Variants in MTR observed in about 807,000 individuals in gnomAD.
The protein encoded by MTR is methionine synthase.
In MTR, 84 loss-of-function variants were observed where a neutral mutation model predicts 154.8. That is an observed-to-expected ratio of 0.54 (90% CI 0.45 to 0.65). The LOEUF (loss-of-function observed/expected upper bound fraction) is 0.65, where lower values mean the gene tolerates loss of function less well. Ranked by LOEUF, MTR falls within the 30% of genes least tolerant of loss-of-function variation. The probability of loss-of-function intolerance (pLI) is 0.00; values close to 1 mark genes in which losing one functional copy is unlikely to be tolerated. For synonymous variants in MTR, 554 were observed against 553.9 expected (o/e 1.00, Z 0.00); for missense variants, 1,275 against 1,570.2 (o/e 0.81, Z 3.18).
At chr1:236,850,571 A>G (rs747858982) in intron 16 of MTR, 48 bp downstream of exon 16, 1 of 1,515,574 alleles carries the variant, frequency 6.6e-7, no homozygotes, top group South Asian at 1.1e-5. Context: ...AATTTGTCCC[A>G]TGGGTCTAAT....
chr1:236,847,495 C>T (rs1177148148), intron 15 of MTR, among the ~76,000 whole-genome samples: 1 of 152,216 alleles, frequency 6.6e-6, no homozygotes, highest in African/African-American at 2.4e-5. Flanking sequence ...GCCTTCTACT[C>T]ACTGGTCACA....
At chr1:236,848,845 A>C (rs969588039) in intron 15 of MTR, among the ~76,000 whole-genome samples, 1 of 152,226 alleles carries the variant, frequency 6.6e-6, no homozygotes, top group Non-Finnish European at 1.5e-5. Context: ...AAAAGGCTAG[A>C]TCTAAGAGAG....
chr1:236,808,771 C>G lies in MTR; in HGVS notation c.407C>G (p.Thr136Arg). 1 of 1,614,018 alleles carries G rather than the reference C, an allele frequency of 6.2e-7. No individual in the cohort carries two copies. Among genetic ancestry groups the G allele is most frequent in the Non-Finnish European group, 8.5e-7 (1 of 1,179,884 alleles). Residue 136 changes from threonine (T) to arginine (R), a missense_variant and splice_region_variant, in exon 4 of 33, where the codon ACA becomes AGA. Physicochemically the swap from Thr to Arg is moderately conservative, Grantham distance 71. Transcript: ENST00000366577. ...GCTGCCGAGGAGGTAACTCTCCAGA[C>G]AGGTAGGGAATGTTCTTCTCTTTTT... ...RKAAEEVTLQTGIKRFVAGAL... is the reference protein window; with the variant it reads ...RKAAEEVTLQRGIKRFVAGAL...
chr1:236,811,078 TG>T (rs761054021), intron 5 of MTR, among the ~76,000 whole-genome samples: 1 of 152,204 alleles, frequency 6.6e-6, no homozygotes, highest in Non-Finnish European at 1.5e-5. Context: ...TCCATGTGGC[TG>T]GGGAAGCCTC....
At chr1:236,869,816 T>G (rs189973298) in intron 22 of MTR, among the ~76,000 whole-genome samples, 122 of 152,244 alleles carry the variant, frequency 8.0e-4, no homozygotes, top group African/African-American at 2.9e-3. Context: ...TCCTAGCTAG[T>G]TCAGGACTCT....
Position 236,795,410 on chromosome 1 carries a change from C to T in MTR, c.-294C>T. The T allele has an allele frequency of 6.9e-7, 1 of 1,456,468 alleles. No individual in the cohort carries two copies. The highest frequency in any genetic ancestry group is 9.1e-7 in the Non-Finnish European group (1 of 1,095,784). 90.2% of individuals were successfully genotyped at this position (1,456,468 alleles called of 1,614,324 possible). On this transcript the variant is annotated 5_prime_UTR_variant, in exon 1 of 33. Coordinates refer to ENST00000366577, the MANE Select transcript of MTR (RefSeq NM_000254.3). ...TTTCCGTGCCGTCCCGCGACTCCGC[C>T]TCTGGCCGCGCGTGTCTGGCTGCTA...
intron 8 of MTR, among the ~76,000 whole-genome samples, chr1:236,817,097 A>G (rs1661638403): frequency 6.6e-6 from 1 of 152,184 alleles, no homozygotes; most frequent in Admixed American, 6.5e-5. Flanking sequence ...AAAGAATTAA[A>G]TTAACATGAC....
At position 236,812,752 on chromosome 1, in the gene MTR, G is replaced by A; in HGVS notation, c.517G>A (p.Val173Ile). ...DYRNITFDEL[V>I]EAYQEQAKGL... ...ATTTTTTGCAGCATTTGATGAGCTT[G>A]TTGAAGCATACCAAGAGCAGGCCAA... The change falls in exon 6 of 33, where the codon GTT becomes ATT. Residue 173 changes from valine (V) to isoleucine (I), a missense_variant. Val to Ile is a conservative substitution (Grantham distance 29, BLOSUM62 3). Transcript: ENST00000366577. 6.2e-7 allele frequency: 1 copy of A among 1,614,040 alleles called. No homozygotes were observed. Among genetic ancestry groups the A allele is most frequent in the Non-Finnish European group, 8.5e-7 (1 of 1,179,954 alleles).
In MTR at chr1:236,899,275, T is replaced by C. The variant is rs1271994826; in HGVS notation, c.*1631T>C. ...GGAGAGGTTGGGGACACGCACCCTA[T>C]GTGATACCAAGTTTTATTGTCAAGA... On this transcript the variant is annotated 3_prime_UTR_variant, in exon 33 of 33. Coordinates refer to ENST00000366577, the MANE Select transcript of MTR (RefSeq NM_000254.3). The C allele has an allele frequency of 6.6e-6, 1 of 152,282 alleles. No homozygotes were observed. 9.4% of individuals were successfully genotyped at this position (152,282 alleles called of 1,614,324 possible). A position where few individuals can be genotyped will look rare whatever the true frequency, so the allele number is the denominator to read the frequency against.
intron 24 of MTR, among the ~76,000 whole-genome samples, chr1:236,880,035 C>T (rs1665640658): frequency 6.6e-6 from 1 of 151,512 alleles, no homozygotes; most frequent in Non-Finnish European, 1.5e-5. Context: ...GTGGCGGGTG[C>T]CTGTAGTCCC....
At chr1:236,877,927 C>T (rs750438608) in intron 24 of MTR, among the ~76,000 whole-genome samples, 1 of 152,112 alleles carries the variant, frequency 6.6e-6, no homozygotes, top group East Asian at 1.9e-4. Context: ...CTATGGTTTT[C>T]GTTTGCATTT....
At chr1:236,872,255 C>G (rs1462927729) in intron 22 of MTR, among the ~76,000 whole-genome samples, 1 of 152,116 alleles carries the variant, frequency 6.6e-6, no homozygotes, top group Non-Finnish European at 1.5e-5. Flanking sequence ...TGGCACTGTT[C>G]CGTTCTCTGA....
chr1:236,803,421 T>C lies in MTR; in HGVS notation c.35-7T>C. The stretch of plus-strand genomic sequence containing the variant: ...TCTTTGAAGTCAAACTTTCACTTTC[T>C]TTAAAGAAGGTCTGAAGAAAACCCT... On this transcript the variant is annotated splice_polypyrimidine_tract_variant and splice_region_variant and intron_variant, in intron 1 of 32. Transcript: ENST00000366577. 6.2e-7 allele frequency: 1 copy of C among 1,613,900 alleles called. No homozygotes were observed. The highest frequency in any genetic ancestry group is 1.1e-5 in the South Asian group (1 of 91,076).
rs1002609998 is a variant in MTR at position 236,852,546 on chromosome 1, G to A, written c.1721G>A (p.Ser574Asn). The A allele has an allele frequency of 6.2e-7, 1 of 1,613,934 alleles. No individual in the cohort carries two copies. The highest frequency in any genetic ancestry group is 8.5e-7 in the Non-Finnish European group (1 of 1,179,968). ...IKETLPGARI[S>N]GGLSNLSFSF... The stretch of plus-strand genomic sequence containing the variant: ...GAAACATTACCTGGAGCCAGAATAA[G>A]TGGAGGTCTTTCCAACTTGTCCTTC... Residue 574 changes from serine to asparagine, a missense_variant, in exon 17 of 33, where the codon AGT becomes AAT. Coordinates refer to ENST00000366577, the MANE Select transcript of MTR (RefSeq NM_000254.3).
intron 22 of MTR, among the ~76,000 whole-genome samples, chr1:236,866,428 T>C (rs147706182): frequency 1.4e-3 from 217 of 152,238 alleles, no homozygotes; most frequent in African/African-American, 4.6e-3. Context: ...TCCCCATCTC[T>C]CTCCCTTTCC....
chr1:236,842,094 T>C (rs1269099052), intron 15 of MTR, among the ~76,000 whole-genome samples: 2 of 152,186 alleles, frequency 1.3e-5, no homozygotes, highest in Non-Finnish European at 2.9e-5. Context: ...GGTTTCACCG[T>C]GTCAGCCAGG....
At chr1:236,819,837 A>G (rs1427567592) in intron 8 of MTR, 2 of 766,946 alleles carry the variant, frequency 2.6e-6, no homozygotes, top group Admixed American at 1.7e-5. Context: ...CATTGTTGCC[A>G]TTAAAAACCC....
At chr1:236,812,988 C>A in intron 6 of MTR, 144 bp downstream of exon 6, 1 of 726,252 alleles carries the variant, frequency 1.4e-6, no homozygotes. Flanking sequence ...GTATTTTTAA[C>A]TGAGGCCAGT....
intron 15 of MTR, among the ~76,000 whole-genome samples, chr1:236,839,640 TTG>T (rs758525741): frequency 6.6e-6 from 1 of 152,172 alleles, no homozygotes; most frequent in Non-Finnish European, 1.5e-5. Context: ...TCACATAACT[TTG>T]TATGAATATT....
Sources: gnomAD v4.1 joint callset for allele counts (sites outside exome capture counted in the v4.1 genomes callset) on GRCh38, gnomAD v4.1.1 for gene constraint, MANE v1.5 for transcripts, NCBI Gene and HGNC (gene_info 2026-07-23, HGNC 2026-07-21) for gene names.